The following MID1 variants were observed in gnomAD, a reference collection of about 807,000 sequenced individuals.
MID1 encodes midline 1, also known as E3 ubiquitin-protein ligase Midline-1.
Under a neutral mutation model 40.4 loss-of-function variants are expected in MID1, and 7 were observed. That is an observed-to-expected ratio of 0.17 (90% CI 0.10 to 0.33). The LOEUF (loss-of-function observed/expected upper bound fraction) is 0.33, where lower values mean the gene tolerates loss of function less well. MID1 is among the 10% of genes least tolerant of loss of function. The probability of loss-of-function intolerance (pLI) is 1.00; values close to 1 mark genes in which losing one functional copy is unlikely to be tolerated. For missense variants in MID1, 367 were observed against 558.5 expected, an observed-to-expected ratio of 0.66 and a Z score of 3.46; for synonymous variants, 229 against 221.2, an observed-to-expected ratio of 1.04 and a Z score of -0.31.
At chrX:10,742,908 T>G (rs771562393) in intron 1 of MID1, among the ~76,000 whole-genome samples, 2 of 112,792 alleles carry the variant, frequency 1.8e-5, no homozygotes, top group Non-Finnish European at 3.7e-5. Context: ...CTTTTCTGGT[T>G]CTTTCAGACT....
chrX:10,509,218 G>A (rs1028227977), intron 3 of MID1, among the ~76,000 whole-genome samples: 1 of 111,305 alleles, frequency 9.0e-6, no homozygotes, highest in African/African-American at 3.3e-5. Context: ...ATGTCTTTTG[G>A]TTGCTAATTT....
chrX:10,465,881 G>A (rs1176356165), intron 7 of MID1, among the ~76,000 whole-genome samples: 2 of 112,008 alleles, frequency 1.8e-5, no homozygotes, highest in Non-Finnish European at 3.8e-5. Context: ...TAATAAGTGG[G>A]TATTGTTTTA....
intron 1 of MID1, among the ~76,000 whole-genome samples, chrX:10,589,280 C>G (rs971086387): frequency 4.5e-5 from 5 of 111,878 alleles, no homozygotes; most frequent in Non-Finnish European, 9.4e-5. Flanking sequence ...TCAGGCCATG[C>G]TTCCACTCAA....
Position 10,674,926 on chromosome X carries a change from T to C in MID1, c.-186-54507A>G, listed in dbSNP as rs1016293869. On this transcript the variant is annotated intron_variant, in intron 1 of 10. Transcript: ENST00000380785. ...ATTTCATTTTAAAAGAAAAAGCATATATTTTTTCAGGTTTTCATATCAATG... is the reference window on the plus strand; with the variant it reads ...ATTTCATTTTAAAAGAAAAAGCATACATTTTTTCAGGTTTTCATATCAATG... 3.5e-5 allele frequency among the ~76,000 whole-genome samples: 4 copies of C among 112,700 alleles called. No homozygotes were observed. The South Asian group carries it at 1.5e-3, about 41-fold the overall frequency.
intron 3 of MID1, among the ~76,000 whole-genome samples, chrX:10,516,560 T>G (rs940291126): frequency 1.1e-3 from 81 of 73,360 alleles, no homozygotes; most frequent in African/African-American, 4.1e-3. Flanking sequence ...TACTCTGCTC[T>G]TGTGTGTGTG....
chrX:10,821,233 G>A (rs960759003), intron 1 of MID1, among the ~76,000 whole-genome samples: 3 of 111,871 alleles, frequency 2.7e-5, no homozygotes, highest in African/African-American at 9.7e-5. Context: ...TAACTCTTTA[G>A]GCCACCAAGC....
At chrX:10,644,090 C>A (rs1232110011) in intron 1 of MID1, among the ~76,000 whole-genome samples, 2 of 111,083 alleles carry the variant, frequency 1.8e-5, no homozygotes, top group African/African-American at 6.6e-5. Flanking sequence ...ACCAACCTGG[C>A]ACGTGTATAC....
intron 1 of MID1, among the ~76,000 whole-genome samples, chrX:10,584,991 G>C (rs1028982398): frequency 9.0e-6 from 1 of 110,915 alleles, no homozygotes; most frequent in East Asian, 2.8e-4. Flanking sequence ...GAGCAAGCAG[G>C]GGGTACATGA....
intron 5 of MID1, chrX:10,475,044 T>C (rs1929930148): frequency 2.7e-6 from 1 of 367,009 alleles, no homozygotes. Flanking sequence ...TTCATGTTGC[T>C]GTGTATTTAA....
chrX:10,765,928 G>A (rs1307054620), intron 1 of MID1, among the ~76,000 whole-genome samples: 1 of 71,701 alleles, frequency 1.4e-5, no homozygotes, highest in African/African-American at 6.6e-5. Context: ...AGAAAGAAAG[G>A]AAAGGAAAGG....
intron 1 of MID1, among the ~76,000 whole-genome samples, chrX:10,821,712 CT>C (rs1406415640): frequency 8.9e-6 from 1 of 112,497 alleles, no homozygotes; most frequent in African/African-American, 3.2e-5. Flanking sequence ...CTTTTCATTT[CT>C]TACTTTCTTC....
chrX:10,759,298 C>T (rs950793134), intron 1 of MID1, among the ~76,000 whole-genome samples: 1 of 111,815 alleles, frequency 8.9e-6, no homozygotes, highest in Non-Finnish European at 1.9e-5. Flanking sequence ...GCTGGCGACG[C>T]AGGGCTGAGG....
intron 9 of MID1, among the ~76,000 whole-genome samples, chrX:10,451,009 A>T (rs1410501351): frequency 4.5e-5 from 5 of 111,421 alleles, no homozygotes; most frequent in Admixed American, 9.5e-5. Context: ...GACATTCTTT[A>T]AAAAAAATCA....
chrX:10,653,430 T>C (rs762977954), intron 1 of MID1, among the ~76,000 whole-genome samples: 1 of 112,441 alleles, frequency 8.9e-6, no homozygotes, highest in Admixed American at 9.4e-5. Context: ...AAATAAACTC[T>C]GGTGCGGTAA....
At chrX:10,727,802 G>T (rs772944023) in intron 1 of MID1, among the ~76,000 whole-genome samples, 38 of 111,932 alleles carry the variant, frequency 3.4e-4, no homozygotes, top group Non-Finnish European at 6.6e-4. Flanking sequence ...CCTTGCAGGG[G>T]TGACTTCTGT....
At chrX:10,587,362 A>G (rs994000855) in intron 1 of MID1, among the ~76,000 whole-genome samples, 26 of 113,052 alleles carry the variant, frequency 2.3e-4, no homozygotes, top group Non-Finnish European at 3.7e-4. Flanking sequence ...CAGGTCTCCA[A>G]GGAATGCTAA....
At chrX:10,482,119 T>C (rs1459180829) in intron 5 of MID1, among the ~76,000 whole-genome samples, 1 of 111,926 alleles carries the variant, frequency 8.9e-6, no homozygotes, top group Non-Finnish European at 1.9e-5. Context: ...GTTTTTGCCT[T>C]CATTTTGACT....
rs375668839 is a variant in MID1, at chrX:10,523,193, C to CAA, written c.661-8_661-7dup. On this transcript the variant is annotated splice_region_variant and splice_polypyrimidine_tract_variant and intron_variant, in intron 2 of 9. Coordinates refer to ENST00000317552, the MANE Select transcript of MID1 (RefSeq NM_000381.4). ...AGGTTACTCTCTAAGTTTTGCTGTTCAAAAAAAAAAAAAAAAGAGGAAAAA... is the reference window on the plus strand; with the variant it reads ...AGGTTACTCTCTAAGTTTTGCTGTTCAAAAAAAAAAAAAAAAAAGAGGAAAAA... The CAA allele has an allele frequency of 7.5e-3, 5,793 of 775,932 alleles. 140 individuals are homozygous for CAA. In the African/African-American group the frequency reaches 0.11, roughly 15 times the overall value. The allele number at this position is 775,932 out of a possible 1,213,427, so 63.9% of individuals were successfully genotyped here.
Position 10,455,015 on chromosome X carries a change from A to G in MID1, c.1510T>C (p.Leu504=), listed in dbSNP as rs797045704. ...GATGACTCATCACGTTCTACTGTCA[A>G]GTTATCATGGGACACCTTCAGTTTT... ...HRKLKVSHDN[L]TVERDESSSK... Residue 504 remains leucine (L), a synonymous_variant, in exon 9 of 10, where the codon TTG becomes CTG. Transcript: ENST00000317552. 9 of 1,211,459 alleles carry G rather than the reference A, an allele frequency of 7.4e-6. No homozygotes were observed. The African/African-American group carries it at 1.4e-4, about 19-fold the overall frequency.
Sources: gnomAD v4.1 joint callset for allele counts (sites outside exome capture counted in the v4.1 genomes callset) on GRCh38, gnomAD v4.1.1 for gene constraint, MANE v1.5 for transcripts, NCBI Gene and HGNC (gene_info 2026-07-23, HGNC 2026-07-21) for gene names.